Variants in GDPD1 observed in about 807,000 individuals in gnomAD.
The protein encoded by GDPD1 is lysophospholipase D GDPD1.
Under a neutral mutation model 45.1 loss-of-function variants are expected in GDPD1, and 28 were observed. That is an observed-to-expected ratio of 0.62 (90% CI 0.46 to 0.85). GDPD1 has a LOEUF of 0.85. GDPD1 is among the 40% of genes least tolerant of loss of function. The pLI is 0.00. For synonymous variants in GDPD1, 139 were observed against 131.4 expected (o/e 1.06, Z -0.40); for missense variants, 256 against 364.8 (o/e 0.70, Z 2.43).
chr17:59,257,823 G>C lies in GDPD1; in HGVS notation c.559G>C (p.Glu187Gln), dbSNP rs771752237. 3.1e-6 allele frequency: 5 copies of C among 1,599,474 alleles called. No homozygotes were observed. The highest frequency in any genetic ancestry group is 4.3e-6 in the Non-Finnish European group (5 of 1,171,314). Residue 187 changes from glutamate to glutamine, a missense_variant, in exon 6 of 10, where the codon GAA becomes CAA. Coordinates refer to ENST00000284116, the MANE Select transcript of GDPD1 (RefSeq NM_182569.4). ...VWGNANYEIV[E>Q]KCYKENSDIP... ...GGGTAATGCCAATTATGAAATTGTAGAAAAGTGCTACAAAGAGGTAAGCTT... is the reference window on the plus strand; with the variant it reads ...GGGTAATGCCAATTATGAAATTGTACAAAAGTGCTACAAAGAGGTAAGCTT...
At chr17:59,267,834 T>A (rs952101810) in intron 7 of GDPD1, among the ~76,000 whole-genome samples, 3 of 151,950 alleles carry the variant, frequency 2.0e-5, no homozygotes, top group Non-Finnish European at 4.4e-5. Context: ...CTTGCCTGGC[T>A]AATTTTTGTA....
chr17:59,266,487 T>G (rs1232038381), intron 6 of GDPD1, among the ~76,000 whole-genome samples: 3 of 152,114 alleles, frequency 2.0e-5, no homozygotes, highest in Admixed American at 6.6e-5. Context: ...TTTAAAGTTT[T>G]GGGATATTGA....
Position 59,268,236 on chromosome 17 carries a change from T to C in GDPD1, c.710+1062T>C, listed in dbSNP as rs117819886. ...CATAACTGAATTATGGCAAAGGAAT[T>C]TGGAATCGTTGGGGAGATGATTTAA... On this transcript the variant is annotated intron_variant, in intron 7 of 9. Transcript: ENST00000284116. 3.7e-3 allele frequency among the ~76,000 whole-genome samples: 566 copies of C among 152,134 alleles called. 3 individuals are homozygous for C. The highest frequency in any genetic ancestry group is 6.8e-3 in the Middle Eastern group (2 of 294).
At chr17:59,240,928 T>C (rs1454494003) in intron 2 of GDPD1, among the ~76,000 whole-genome samples, 1 of 152,204 alleles carries the variant, frequency 6.6e-6, no homozygotes. Context: ...ATAAGTGCCC[T>C]AATGCAGGTG....
At chr17:59,265,243 A>G (rs2047390214) in intron 6 of GDPD1, among the ~76,000 whole-genome samples, 1 of 151,982 alleles carries the variant, frequency 6.6e-6, no homozygotes, top group African/African-American at 2.4e-5. Flanking sequence ...TTTTCCAGTA[A>G]ATATAGCAGG....
At chr17:59,236,599 G>T (rs988815456) in intron 2 of GDPD1, among the ~76,000 whole-genome samples, 7 of 152,092 alleles carry the variant, frequency 4.6e-5, no homozygotes, top group African/African-American at 1.7e-4. Flanking sequence ...AGGTTCAAAT[G>T]ATTTCTCTGC....
At position 59,220,690 on chromosome 17, in the gene GDPD1, G is replaced by T; in HGVS notation, c.81G>T (p.Pro27=). Residue 27 remains proline, a synonymous_variant, in exon 1 of 10, where the codon CCG becomes CCT. Coordinates refer to ENST00000284116, the MANE Select transcript of GDPD1 (RefSeq NM_182569.4). ...LVTSFLLLKY[P]TLLHQRKKQR... ...CCTCATTCTTGTTGCTTAAATACCC[G>T]ACCTTGCTGCACCAGAGAAAGAAGC... 2 of 1,614,128 alleles carry T rather than the reference G, an allele frequency of 1.2e-6. No homozygotes were observed. The highest frequency in any genetic ancestry group is 2.2e-5 in the East Asian group (1 of 44,878).
At chr17:59,258,305 G>T (rs2047325234) in intron 6 of GDPD1, among the ~76,000 whole-genome samples, 2 of 151,998 alleles carry the variant, frequency 1.3e-5, no homozygotes. Context: ...CAGCACTTTG[G>T]GAGGCCAAGG....
intron 1 of GDPD1, among the ~76,000 whole-genome samples, chr17:59,222,428 G>A (rs917366734): frequency 6.8e-6 from 1 of 147,398 alleles, no homozygotes; most frequent in Non-Finnish European, 1.5e-5. Flanking sequence ...GGATGGTCTC[G>A]ATTTCCTGAC....
At chr17:59,256,761 T>C (rs1438231224) in intron 4 of GDPD1, among the ~76,000 whole-genome samples, 1 of 152,194 alleles carries the variant, frequency 6.6e-6, no homozygotes, top group Non-Finnish European at 1.5e-5. Context: ...TGGACCCTAT[T>C]ATTTCTTACA....
chr17:59,269,485 C>CT (rs893597919), intron 7 of GDPD1, among the ~76,000 whole-genome samples: 3 of 142,036 alleles, frequency 2.1e-5, no homozygotes, highest in Non-Finnish European at 4.7e-5. Context: ...ACCCCCCCCC[C>CT]CAAAAAACAC....
At chr17:59,262,659 A>C (rs1292540762) in intron 6 of GDPD1, among the ~76,000 whole-genome samples, 25 of 135,838 alleles carry the variant, frequency 1.8e-4, no homozygotes, top group African/African-American at 6.4e-4. Context: ...TTTGAGACTC[A>C]CTCTGTCACC....
At chr17:59,227,042 CTG>C (rs1275877924) in intron 1 of GDPD1, among the ~76,000 whole-genome samples, 1 of 152,010 alleles carries the variant, frequency 6.6e-6, no homozygotes, top group Non-Finnish European at 1.5e-5. Flanking sequence ...AAGAAATTGA[CTG>C]TTTTTCCAAA....
At chr17:59,226,339 G>A (rs1410438594) in intron 1 of GDPD1, among the ~76,000 whole-genome samples, 1 of 151,532 alleles carries the variant, frequency 6.6e-6, no homozygotes, top group African/African-American at 2.4e-5. Context: ...ACCTTGAAAG[G>A]AGACTTAAAA....
At chr17:59,224,361 G>A (rs1292889634) in intron 1 of GDPD1, among the ~76,000 whole-genome samples, 1 of 152,164 alleles carries the variant, frequency 6.6e-6, no homozygotes, top group East Asian at 1.9e-4. Flanking sequence ...GGTGGCTCAT[G>A]CCTATAATCC....
At chr17:59,264,502 G>A (rs2047383625) in intron 6 of GDPD1, among the ~76,000 whole-genome samples, 1 of 152,042 alleles carries the variant, frequency 6.6e-6, no homozygotes, top group Non-Finnish European at 1.5e-5. Context: ...ATGTTGGCCA[G>A]ACTGGTCTCG....
chr17:59,262,056 T>TA (rs1339819234), intron 6 of GDPD1, among the ~76,000 whole-genome samples: 2 of 149,484 alleles, frequency 1.3e-5, no homozygotes, highest in African/African-American at 2.5e-5. Flanking sequence ...TAGCTGGGAC[T>TA]ACAGGCGCCC....
chr17:59,257,114 T>C lies in GDPD1; in HGVS notation c.368-8T>C. 10 of 1,460,300 alleles carry C rather than the reference T, an allele frequency of 6.8e-6. No homozygotes were observed. The highest frequency in any genetic ancestry group is 9.4e-6 in the Non-Finnish European group (10 of 1,062,382). The allele number at this position is 1,460,300 out of a possible 1,614,324, so 90.5% of individuals were successfully genotyped here. On this transcript the variant is annotated splice_region_variant and splice_polypyrimidine_tract_variant and intron_variant, in intron 4 of 9. Transcript: ENST00000284116. ...TAAAAAATACATTTAAAAATCTTGCTTTCTCAGCATGCCAGTGTGAAGGAA... is the reference window on the plus strand; with the variant it reads ...TAAAAAATACATTTAAAAATCTTGCCTTCTCAGCATGCCAGTGTGAAGGAA...
chr17:59,257,425 A>G (rs764672680), intron 5 of GDPD1, among the ~76,000 whole-genome samples, 185 bp downstream of exon 5: 2 of 152,180 alleles, frequency 1.3e-5, no homozygotes, highest in Non-Finnish European at 2.9e-5. Context: ...CTATTTTCAG[A>G]GAGAGTTGGC....
Sources: allele counts gnomAD v4.1 joint callset (sites outside exome capture counted in the v4.1 genomes callset), GRCh38; gene constraint gnomAD v4.1.1; transcripts MANE v1.5; gene names NCBI Gene and HGNC (gene_info 2026-07-23, HGNC 2026-07-21).